ARHGAP6: variants seen among roughly 807,000 people sequenced by gnomAD.
The protein encoded by ARHGAP6 is rho GTPase-activating protein 6.
A neutral mutation model predicts 55.7 loss-of-function variants in ARHGAP6; 16 were observed. The observed-to-expected ratio is 0.29, with a 90% CI of 0.19 to 0.44. The LOEUF is 0.44. Among genes scored for constraint, ARHGAP6 ranks in the 20% least tolerant of loss-of-function variants. ARHGAP6 has a pLI of 1.00. For synonymous variants in ARHGAP6, 382 were observed against 360.9 expected (o/e 1.06, Z -0.66); for missense variants, 698 against 808.9 (o/e 0.86, Z 1.66).
rs764391577 is a variant in ARHGAP6, at chrX:11,332,330, T to A, written c.589-77623A>T. Among the ~76,000 whole-genome samples the A allele has an allele frequency of 4.5e-5, 5 of 112,159 alleles. No individual in the cohort carries two copies. In the East Asian group the frequency reaches 1.4e-3, roughly 31 times the overall value. On this transcript the variant is annotated intron_variant, in intron 1 of 12. Coordinates refer to ENST00000337414, the MANE Select transcript of ARHGAP6 (RefSeq NM_013427.3). ...TGGGTGCTGATGAATCTTAGAGATA[T>A]ACACATATATTCTCATTAATTTGCA...
At chrX:11,491,324 T>C (rs2050564668) in intron 1 of ARHGAP6, among the ~76,000 whole-genome samples, 1 of 111,307 alleles carries the variant, frequency 9.0e-6, no homozygotes, top group South Asian at 3.9e-4. Flanking sequence ...TAACCCGTCA[T>C]TTAGCATTAG....
intron 1 of ARHGAP6, among the ~76,000 whole-genome samples, chrX:11,424,459 T>C (rs1247288284): frequency 3.6e-5 from 4 of 112,394 alleles, no homozygotes; most frequent in African/African-American, 1.3e-4. Flanking sequence ...CAGAAAATCA[T>C]TGATTCATTC....
chrX:11,144,092 C>T lies in ARHGAP6; in HGVS notation c.2064G>A (p.Ala688=), dbSNP rs2045656619. ...ERSLLAMQED[A]APGGSEKLYR... ...AAAGCTTCTCCGAGCCCCCCGGGGC[C>T]GCGTCCTCTTGCATAGCCAGCAGGG... The change falls in exon 11 of 13, where the codon GCG becomes GCA. Residue 688 remains alanine, a synonymous_variant. Transcript: ENST00000337414. 1 of 1,210,817 alleles carries T rather than the reference C, an allele frequency of 8.3e-7. No homozygotes were observed.
chrX:11,405,098 G>A (rs1409874057), intron 1 of ARHGAP6, among the ~76,000 whole-genome samples: 1 of 111,708 alleles, frequency 9.0e-6, no homozygotes, highest in African/African-American at 3.3e-5. Context: ...GCTGCTGGCT[G>A]CCCCTCCAGC....
chrX:11,416,080 G>T (rs1305218603), intron 1 of ARHGAP6, among the ~76,000 whole-genome samples: 1 of 111,659 alleles, frequency 9.0e-6, no homozygotes, highest in Non-Finnish European at 1.9e-5. Flanking sequence ...CATGCTAGGA[G>T]TTCTATATTT....
chrX:11,313,749 A>G (rs185891418), intron 1 of ARHGAP6, among the ~76,000 whole-genome samples: 86 of 112,426 alleles, frequency 7.6e-4, no homozygotes, highest in Non-Finnish European at 1.4e-3. Flanking sequence ...TTTATAATCT[A>G]GCATCATGCT....
At chrX:11,328,569 G>A (rs1333448719) in intron 1 of ARHGAP6, among the ~76,000 whole-genome samples, 1 of 111,996 alleles carries the variant, frequency 8.9e-6, no homozygotes, top group Non-Finnish European at 1.9e-5. Flanking sequence ...ACTCTTTTCT[G>A]TCACGTCTCA....
At chrX:11,223,016 T>C in intron 2 of ARHGAP6, 1 of 116,948 alleles carries the variant, frequency 8.6e-6, no homozygotes, top group Non-Finnish European at 1.8e-5. Context: ...AAATCTTACT[T>C]TTTTGAAACG....
chrX:11,538,040 T>C (rs2051121064), intron 1 of ARHGAP6, among the ~76,000 whole-genome samples: 1 of 111,608 alleles, frequency 9.0e-6, no homozygotes, highest in South Asian at 3.7e-4. Context: ...TTGATAAATA[T>C]ACTAGTATCC....
intron 3 of ARHGAP6, among the ~76,000 whole-genome samples, chrX:11,190,460 G>GATAT (rs535056484): frequency 0.037 from 2,818 of 76,778 alleles, 45 homozygotes; most frequent in Non-Finnish European, 0.043. Flanking sequence ...ACCCTGAGGA[G>GATAT]ATATATATAT....
intron 1 of ARHGAP6, among the ~76,000 whole-genome samples, chrX:11,421,916 G>A (rs1242761444): frequency 3.6e-5 from 4 of 111,665 alleles, no homozygotes; most frequent in African/African-American, 1.3e-4. Context: ...ACTAATAAAG[G>A]GTTAAGTTTG....
chrX:11,160,161 A>T, intron 9 of ARHGAP6, among the ~76,000 whole-genome samples: 1 of 110,854 alleles, frequency 9.0e-6, no homozygotes, highest in South Asian at 3.9e-4. Flanking sequence ...GTAATAAAAA[A>T]TTTCGTGGCT....
chrX:11,538,383 A>G (rs1438399624), intron 1 of ARHGAP6, among the ~76,000 whole-genome samples: 1 of 111,434 alleles, frequency 9.0e-6, no homozygotes, highest in East Asian at 2.8e-4. Context: ...AAGACCTTAA[A>G]TTATATTTTC....
rs995417377 is a variant in ARHGAP6 at position 11,179,470 on chromosome X, C to T, written c.1330-18G>A. 12 of 1,198,148 alleles carry T rather than the reference C, an allele frequency of 1.0e-5. No individual in the cohort carries two copies. Among genetic ancestry groups the T allele is most frequent in the Admixed American group, 2.2e-5 (1 of 44,676 alleles). On this transcript the variant is annotated intron_variant, in intron 6 of 12. Transcript: ENST00000337414. ...TCACGTAACTGGAAGAACAATGGTT[C>T]GAGTGGCAGTCACATAACACCATAC...
At chrX:11,395,352 T>C (rs1204026701) in intron 1 of ARHGAP6, among the ~76,000 whole-genome samples, 2 of 112,295 alleles carry the variant, frequency 1.8e-5, no homozygotes, top group African/African-American at 6.5e-5. Flanking sequence ...GACAGCAACA[T>C]CTAATACATT....
At position 11,138,931 on chromosome X, in the gene ARHGAP6, C is replaced by CCCAGA; in HGVS notation, c.2856_2857insTCTGG (p.Glu953SerfsTer54). The CCCAGA allele has an allele frequency of 8.4e-7, 1 of 1,190,912 alleles. No homozygotes were observed. Among genetic ancestry groups the CCCAGA allele is most frequent in the Non-Finnish European group, 1.1e-6 (1 of 888,300 alleles). ...AGGAGCTCCCAGATCTGCCAGCGCT[C>CCCAGA]TCTCTGCCAGTCGAGCCAGCCAGCG... On this transcript the variant is annotated frameshift_variant, in exon 13 of 13. Transcript: ENST00000337414. LOFTEE classifies it high-confidence loss of function.
At chrX:11,146,529 G>C (rs1401777606) in intron 10 of ARHGAP6, among the ~76,000 whole-genome samples, 1 of 112,834 alleles carries the variant, frequency 8.9e-6, no homozygotes, top group East Asian at 2.8e-4. Flanking sequence ...AGGAGATACA[G>C]TGTGAGTACA....
chrX:11,641,822 A>G (rs2052477957), intron 1 of ARHGAP6, among the ~76,000 whole-genome samples: 1 of 111,718 alleles, frequency 9.0e-6, no homozygotes, highest in African/African-American at 3.2e-5. Flanking sequence ...AAGCATAGAA[A>G]GTACTAAAGC....
intron 1 of ARHGAP6, among the ~76,000 whole-genome samples, chrX:11,326,327 C>T (rs2048498120): frequency 2.7e-5 from 3 of 110,923 alleles, no homozygotes; most frequent in African/African-American, 9.8e-5. Flanking sequence ...AGGATTTCTC[C>T]ATGTTGGTCA....
Sources: allele counts gnomAD v4.1 joint callset (sites outside exome capture counted in the v4.1 genomes callset), GRCh38; gene constraint gnomAD v4.1.1; transcripts MANE v1.5; gene names NCBI Gene and HGNC (gene_info 2026-07-23, HGNC 2026-07-21).